Variants in CDH6 observed in about 807,000 individuals in gnomAD.
The protein encoded by CDH6 is cadherin-6.
In CDH6, 31 loss-of-function variants were observed where a neutral mutation model predicts 78.0. That is an observed-to-expected ratio of 0.40 (90% confidence interval 0.30 to 0.54). CDH6 has a LOEUF of 0.54. CDH6 is among the 20% of genes least tolerant of loss of function. CDH6 has a pLI of 0.56. For synonymous variants in CDH6, 376 were observed against 368.8 expected (o/e 1.02, Z -0.23); for missense variants, 724 against 975.9 (o/e 0.74, Z 3.44).
chr5:31,323,918 T>TA lies in CDH6; in HGVS notation c.*613dup, dbSNP rs778028523. On this transcript the variant is annotated 3_prime_UTR_variant, in exon 12 of 12. Transcript: ENST00000265071. ...TTACTCTTAAGGAATAGAAGCAAAT[T>TA]AAACGGTAACATCCAAAAGCAACCA... 1.7e-5 allele frequency: 4 copies of TA among 229,326 alleles called. No homozygotes were observed. Among genetic ancestry groups the TA allele is most frequent in the Non-Finnish European group, 3.5e-5 (4 of 115,736 alleles). The allele number at this position is 229,326 out of a possible 1,614,324, so 14.2% of individuals were successfully genotyped here. A position where few individuals can be genotyped will look rare whatever the true frequency, so the allele number is the denominator to read the frequency against.
At chr5:31,228,136 CTCTT>C (rs1165876581) in intron 1 of CDH6, among the ~76,000 whole-genome samples, 3 of 152,174 alleles carry the variant, frequency 2.0e-5, no homozygotes, top group Admixed American at 6.5e-5. Context: ...AAATCTCTCT[CTCTT>C]TGTCTCGGAC....
At chr5:31,321,691 A>G (rs1738481931) in intron 11 of CDH6, among the ~76,000 whole-genome samples, 1 of 152,196 alleles carries the variant, frequency 6.6e-6, no homozygotes, top group Non-Finnish European at 1.5e-5. Flanking sequence ...TTGTGTACTC[A>G]CTAAAAAGGC....
At chr5:31,194,115 G>A (rs957969608) in intron 1 of CDH6, among the ~76,000 whole-genome samples, 7 of 152,138 alleles carry the variant, frequency 4.6e-5, no homozygotes, top group South Asian at 2.1e-4. Flanking sequence ...TTCCCGGGGA[G>A]CCTGGGCACC....
intron 1 of CDH6, among the ~76,000 whole-genome samples, chr5:31,226,711 A>G (rs1381750696): frequency 6.6e-6 from 1 of 152,178 alleles, no homozygotes; most frequent in Non-Finnish European, 1.5e-5. Flanking sequence ...CGGTCAGTTC[A>G]AACTCCTCTT....
At chr5:31,309,451 A>G (rs1276028192) in intron 7 of CDH6, among the ~76,000 whole-genome samples, 1 of 152,206 alleles carries the variant, frequency 6.6e-6, no homozygotes, top group Admixed American at 6.5e-5. Flanking sequence ...AATTCCACGT[A>G]TATCTGCCTA....
At chr5:31,265,410 G>T (rs187327405) in intron 1 of CDH6, among the ~76,000 whole-genome samples, 1 of 152,282 alleles carries the variant, frequency 6.6e-6, no homozygotes, top group African/African-American at 2.4e-5. Flanking sequence ...CCAGCCTGCT[G>T]TCAAGAAGAT....
intron 2 of CDH6, among the ~76,000 whole-genome samples, chr5:31,268,004 C>A (rs1298761006): frequency 1.3e-5 from 2 of 152,134 alleles, no homozygotes; most frequent in Admixed American, 6.5e-5. Flanking sequence ...TCTGGCTATT[C>A]TATAAAGTAG....
At chr5:31,232,489 C>G (rs80191229) in intron 1 of CDH6, among the ~76,000 whole-genome samples, 15 of 152,264 alleles carry the variant, frequency 9.9e-5, no homozygotes, top group Admixed American at 8.5e-4. Context: ...AGTGGACATA[C>G]GTTTAATGCA....
intron 7 of CDH6, among the ~76,000 whole-genome samples, chr5:31,306,361 G>A (rs953245319): frequency 6.6e-6 from 1 of 152,198 alleles, no homozygotes; most frequent in African/African-American, 2.4e-5. Flanking sequence ...TCATGTTGCA[G>A]TAAGGCCTTA....
At chr5:31,320,981 A>G (rs1738463710) in intron 11 of CDH6, among the ~76,000 whole-genome samples, 1 of 48,084 alleles carries the variant, frequency 2.1e-5, no homozygotes, top group Admixed American at 2.6e-4. Flanking sequence ...TCTGTCTTAA[A>G]AAAAAAAAAA....
intron 1 of CDH6, among the ~76,000 whole-genome samples, chr5:31,228,723 G>A (rs115148669): frequency 0.052 from 7,967 of 152,248 alleles, 304 homozygotes; most frequent in Admixed American, 0.078. Context: ...TCACAATAGG[G>A]TTCGCCCTCC....
At chr5:31,246,658 A>ATTT (rs1741754871) in intron 1 of CDH6, among the ~76,000 whole-genome samples, 1 of 152,248 alleles carries the variant, frequency 6.6e-6, no homozygotes, top group South Asian at 2.1e-4. Context: ...TTGGCAATAA[A>ATTT]ACAATTTAGA....
intron 1 of CDH6, among the ~76,000 whole-genome samples, chr5:31,266,445 T>A (rs1184650781): frequency 6.6e-6 from 1 of 152,198 alleles, no homozygotes; most frequent in Non-Finnish European, 1.5e-5. Flanking sequence ...TTATAACAAA[T>A]GTCATTGTAG....
At chr5:31,207,530 G>A (rs1740564425) in intron 1 of CDH6, among the ~76,000 whole-genome samples, 1 of 152,194 alleles carries the variant, frequency 6.6e-6, no homozygotes, top group Admixed American at 6.5e-5. Flanking sequence ...AAGCGTAACT[G>A]TAAAAACATC....
At chr5:31,232,906 C>T (rs2111856561) in intron 1 of CDH6, among the ~76,000 whole-genome samples, 1 of 152,294 alleles carries the variant, frequency 6.6e-6, no homozygotes, top group South Asian at 2.1e-4. Context: ...CAAAATAGGT[C>T]CTTTAATACT....
At chr5:31,231,234 A>T (rs1741303394) in intron 1 of CDH6, among the ~76,000 whole-genome samples, 1 of 152,216 alleles carries the variant, frequency 6.6e-6, no homozygotes, top group Non-Finnish European at 1.5e-5. Flanking sequence ...TAATCAAATC[A>T]TTGCGTATCT....
intron 1 of CDH6, among the ~76,000 whole-genome samples, chr5:31,202,886 A>C (rs1007839938): frequency 1.3e-5 from 2 of 151,832 alleles, no homozygotes; most frequent in African/African-American, 2.4e-5. Flanking sequence ...TCAGTTTTGT[A>C]CTCAACAAAA....
chr5:31,320,058 C>A (rs1738437549), intron 11 of CDH6, among the ~76,000 whole-genome samples: 1 of 152,180 alleles, frequency 6.6e-6, no homozygotes, highest in Admixed American at 6.5e-5. Flanking sequence ...TTACTGCTGT[C>A]CTCTGGCTTC....
At chr5:31,259,693 A>G (rs1168459643) in intron 1 of CDH6, among the ~76,000 whole-genome samples, 1 of 152,242 alleles carries the variant, frequency 6.6e-6, no homozygotes, top group Non-Finnish European at 1.5e-5. Flanking sequence ...AAAAGTATAA[A>G]AATGCTTTCT....
Sources: allele counts gnomAD v4.1 joint callset (sites outside exome capture counted in the v4.1 genomes callset), GRCh38; gene constraint gnomAD v4.1.1; transcripts MANE v1.5; gene names NCBI Gene and HGNC (gene_info 2026-07-23, HGNC 2026-07-21).